The following RRP12 variants were observed in gnomAD, a reference collection of about 807,000 sequenced individuals.
RRP12 encodes RRP12-like protein.
Under a neutral mutation model 157.3 loss-of-function variants are expected in RRP12, and 78 were observed. The observed-to-expected ratio is 0.50, with a 90% CI of 0.41 to 0.60. The LOEUF is 0.60. Among genes scored for constraint, RRP12 ranks in the 20% least tolerant of loss-of-function variants. RRP12 has a pLI of 0.00. For synonymous variants in RRP12, 726 were observed against 670.9 expected (o/e 1.08, Z -1.27); for missense variants, 1,521 against 1,679.9 (o/e 0.91, Z 1.65).
At position 97,366,579 on chromosome 10, in the gene RRP12, A is replaced by C; in HGVS notation, c.3258T>G (p.Asn1086Lys). 6.2e-7 allele frequency: 1 copy of C among 1,613,108 alleles called. No individual in the cohort carries two copies. The highest frequency in any genetic ancestry group is 8.5e-7 in the Non-Finnish European group (1 of 1,179,752). ...ILADSEDEED[N>K]EEEERSRGKE... ...TGCCTCGGCTTCTTTCCTCCTCCTC[A>C]TTGTCCTCCTCGTCCTCTGAGTCAG... The change falls in exon 28 of 34, where the codon AAT becomes AAG. Residue 1086 changes from asparagine (N) to lysine (K), a missense_variant. Coordinates refer to ENST00000370992, the MANE Select transcript of RRP12 (RefSeq NM_015179.4).
At position 97,370,524 on chromosome 10, in the gene RRP12, G is replaced by A. The variant is rs781493704; in HGVS notation, c.2620C>T (p.Arg874Trp). The change falls in exon 23 of 34, where the codon CGG becomes TGG. Residue 874 changes from arginine to tryptophan, a missense_variant. Transcript: ENST00000370992. ...ACGAGCAGTGCAAAAGCGTTCTTCC[G>A]TGCGCCCACCGACACCTCCTTGGTG... ...LCTKEVSVGA[R>W]KNAFALLVEM... 1.5e-5 allele frequency: 24 copies of A among 1,603,244 alleles called. No individual in the cohort carries two copies. The highest frequency in any genetic ancestry group is 1.8e-5 in the Non-Finnish European group (21 of 1,176,210).
intron 13 of RRP12, 141 bp from the exon 14 acceptor site, chr10:97,379,911 A>C: frequency 1.5e-6 from 1 of 660,558 alleles, no homozygotes; most frequent in Non-Finnish European, 2.3e-6. Context: ...AACCCAATTA[A>C]CCACTGGTGA....
rs748781770 is a variant in RRP12 at position 97,390,769 on chromosome 10, G to A, written c.606C>T (p.Ala202=). 2.1e-5 allele frequency: 34 copies of A among 1,613,598 alleles called. No individual in the cohort carries two copies. Among genetic ancestry groups the A allele is most frequent in the Non-Finnish European group, 2.7e-5 (32 of 1,179,616 alleles). ...KAFMDIMSAQ[A]SSGSTSVLRW... is the part of the protein sequence containing the mutation. ...GGAGGACAGAGGTGGAGCCGCTGCT[G>A]GCCTGAGCTGACATGATATCCATGA... Residue 202 remains alanine, a synonymous_variant, in exon 5 of 34, where the codon GCC becomes GCT. Coordinates refer to ENST00000370992, the MANE Select transcript of RRP12 (RefSeq NM_015179.4).
intron 30 of RRP12, 42 bp downstream of exon 30, chr10:97,363,806 CAGGCTT>C (rs1287999344): frequency 1.3e-6 from 2 of 1,537,478 alleles, no homozygotes; most frequent in East Asian, 4.5e-5. Context: ...CTGTGGAGCC[CAGGCTT>C]AGGTCTGAAG....
intron 30 of RRP12, among the ~76,000 whole-genome samples, chr10:97,361,579 C>A (rs954241990): frequency 6.6e-6 from 1 of 152,228 alleles, no homozygotes; most frequent in Non-Finnish European, 1.5e-5. Flanking sequence ...GCAGCACACA[C>A]AGGGTGTGCC....
rs371182026 is a variant in RRP12, at chr10:97,381,795, G to T, written c.1240C>A (p.Pro414Thr). 3 of 1,614,026 alleles carry T rather than the reference G, an allele frequency of 1.9e-6. No individual in the cohort carries two copies. The highest frequency in any genetic ancestry group is 2.5e-6 in the Non-Finnish European group (3 of 1,180,012). The part of the protein sequence containing the change: ...LQWDLGLGHL[P>T]RFFGTAVTCL... ...GTCACCGCAGTTCCAAAAAAGCGAG[G>T]GAGGTGGCCTAGCCCCAGGTCCCAC... The change falls in exon 11 of 34, where the codon CCT becomes ACT. Residue 414 changes from proline (P) to threonine (T), a missense_variant. By Grantham distance (38) the Pro-to-Thr change is conservative. Coordinates refer to ENST00000370992, the MANE Select transcript of RRP12 (RefSeq NM_015179.4).
chr10:97,396,031 A>G (rs1224849406), intron 3 of RRP12, among the ~76,000 whole-genome samples, 187 bp downstream of exon 3: 4 of 152,098 alleles, frequency 2.6e-5, no homozygotes, highest in African/African-American at 2.4e-5. Context: ...AAGAAAGAAA[A>G]GAAAAGAGAA....
At chr10:97,394,100 T>C (rs1314709522) in intron 3 of RRP12, among the ~76,000 whole-genome samples, 2 of 152,174 alleles carry the variant, frequency 1.3e-5, no homozygotes, top group African/African-American at 4.8e-5. Flanking sequence ...CCCAGCACTT[T>C]GGGAGGCCGA....
chr10:97,383,296 A>G (rs970597839), intron 10 of RRP12, among the ~76,000 whole-genome samples: 1 of 152,228 alleles, frequency 6.6e-6, no homozygotes, highest in African/African-American at 2.4e-5. Flanking sequence ...GGTTTGATGC[A>G]GGAAAAAGAA....
intron 15 of RRP12, among the ~76,000 whole-genome samples, chr10:97,377,038 C>A (rs1015068506): frequency 1.8e-4 from 27 of 152,060 alleles, no homozygotes; most frequent in African/African-American, 6.3e-4. Context: ...TACCACCATG[C>A]CTGGCTAATT....
chr10:97,393,774 T>G lies in RRP12; in HGVS notation c.454-14A>C, dbSNP rs753560256. 3.7e-6 allele frequency: 6 copies of G among 1,611,296 alleles called. No individual in the cohort carries two copies. The highest frequency in any genetic ancestry group is 5.1e-6 in the Non-Finnish European group (6 of 1,177,852). On this transcript the variant is annotated splice_polypyrimidine_tract_variant and intron_variant, in intron 3 of 33. Coordinates refer to ENST00000370992, the MANE Select transcript of RRP12 (RefSeq NM_015179.4). Reference sequence around the variant, plus strand: ...CATTGTTGTCATCTGAGGGCCAGATTGAGGGGGTTTGAATGGATAAAAACT... The same window carrying G: ...CATTGTTGTCATCTGAGGGCCAGATGGAGGGGGTTTGAATGGATAAAAACT...
rs1013775004 is a variant in RRP12 at position 97,367,070 on chromosome 10, G to A, written c.3018C>T (p.Asn1006=). 3 of 1,614,210 alleles carry A rather than the reference G, an allele frequency of 1.9e-6. No homozygotes were observed. The highest frequency in any genetic ancestry group is 1.3e-5 in the African/African-American group (1 of 75,066). ...MRRHFRMKLR[N]LFTKFIRKFG... is the part of the protein sequence containing the mutation. ...ACTTGCGGATGAACTTGGTGAACAGGTTCCGAAGCTTCATGCGGAAGTGCC... is the reference window on the plus strand; with the variant it reads ...ACTTGCGGATGAACTTGGTGAACAGATTCCGAAGCTTCATGCGGAAGTGCC... Residue 1006 remains asparagine, a synonymous_variant, in exon 26 of 34, where the codon AAC becomes AAT. Coordinates refer to ENST00000370992, the MANE Select transcript of RRP12 (RefSeq NM_015179.4).
intron 11 of RRP12, 63 bp from the exon 12 acceptor site, chr10:97,381,546 C>A: frequency 7.4e-7 from 1 of 1,353,766 alleles, no homozygotes; most frequent in South Asian, 1.3e-5. Flanking sequence ...CTCTCCCCTC[C>A]CAGGCAACAG....
At chr10:97,367,572 C>T (rs1356324259) in intron 25 of RRP12, among the ~76,000 whole-genome samples, 1 of 152,192 alleles carries the variant, frequency 6.6e-6, no homozygotes, top group Non-Finnish European at 1.5e-5. Flanking sequence ...CCCTAGCACC[C>T]CAAGATTTCT....
intron 2 of RRP12, among the ~76,000 whole-genome samples, chr10:97,397,254 G>A (rs149858658): frequency 3.0e-4 from 45 of 152,072 alleles, no homozygotes; most frequent in African/African-American, 9.4e-4. Context: ...TCCACCTCCC[G>A]GGTTCAAGCG....
chr10:97,384,500 CAG>C (rs768922586), intron 10 of RRP12, among the ~76,000 whole-genome samples: 99 of 148,366 alleles, frequency 6.7e-4, no homozygotes, highest in Non-Finnish European at 1.1e-3. Context: ...GCAGCCTGGA[CAG>C]AGGCCCTGAG....
intron 6 of RRP12, among the ~76,000 whole-genome samples, chr10:97,388,836 C>A (rs575141122): frequency 4.6e-5 from 7 of 152,318 alleles, no homozygotes; most frequent in African/African-American, 1.7e-4. Flanking sequence ...CCCTGCTCTA[C>A]AACTAACTCA....
At position 97,370,293 on chromosome 10, in the gene RRP12, G is replaced by C; in HGVS notation, c.2690-19C>G. Reference sequence around the variant, plus strand: ...AGGGCCTCTGGGGACAGAGACCAACGTGGGTCAAGCAGGAAGGACCCACCA... The same window carrying C: ...AGGGCCTCTGGGGACAGAGACCAACCTGGGTCAAGCAGGAAGGACCCACCA... On this transcript the variant is annotated intron_variant, in intron 23 of 33. Coordinates refer to ENST00000370992, the MANE Select transcript of RRP12 (RefSeq NM_015179.4). The C allele has an allele frequency of 6.4e-7, 1 of 1,558,680 alleles. No homozygotes were observed. Among genetic ancestry groups the C allele is most frequent in the Non-Finnish European group, 8.7e-7 (1 of 1,144,570 alleles).
chr10:97,363,831 C>A, intron 30 of RRP12, 23 bp downstream of exon 30: 2 of 1,608,576 alleles, frequency 1.2e-6, no homozygotes, highest in Non-Finnish European at 1.7e-6. Flanking sequence ...AGCCCTAGCC[C>A]CCCATCTGCA....
Sources: gnomAD v4.1 joint callset for allele counts (sites outside exome capture counted in the v4.1 genomes callset) on GRCh38, gnomAD v4.1.1 for gene constraint, MANE v1.5 for transcripts, NCBI Gene and HGNC (gene_info 2026-07-23, HGNC 2026-07-21) for gene names.